ADGRV1: variants seen among roughly 807,000 people sequenced by gnomAD.
ADGRV1 encodes G-protein coupled receptor 98.
Under a neutral mutation model 596.2 loss-of-function variants are expected in ADGRV1, and 359 were observed. The observed-to-expected ratio is 0.60, with a 90% confidence interval of 0.55 to 0.66. The LOEUF (loss-of-function observed/expected upper bound fraction) is 0.66, where lower values mean the gene tolerates loss of function less well. ADGRV1 is among the 30% of genes least tolerant of loss of function. The pLI, the probability that ADGRV1 is intolerant of heterozygous loss-of-function variation, is 0.00. For missense variants in ADGRV1, 7,274 were observed against 7,575.6 expected (o/e 0.96, Z 1.48); for synonymous variants, 2,681 against 2,679.2 (o/e 1.00, Z -0.02).
At chr5:91,067,142 ATTTT>A (rs35645124) in intron 85 of ADGRV1, among the ~76,000 whole-genome samples, 2 of 130,398 alleles carry the variant, frequency 1.5e-5, no homozygotes, top group Non-Finnish European at 1.6e-5. Context: ...TGCAAAGGAG[ATTTT>A]TTTTTTTTTT....
chr5:90,638,036 A>G (rs1162588983), intron 11 of ADGRV1, 88 bp downstream of exon 11: 2 of 931,558 alleles, frequency 2.1e-6, no homozygotes, highest in Non-Finnish European at 3.1e-6. Flanking sequence ...TTTTTTTTCT[A>G]TATAAAGTAA....
rs1489758170 is a variant in ADGRV1 at position 90,694,045 on chromosome 5, C to T, written c.7289C>T (p.Ser2430Phe). 1 of 1,613,662 alleles carries T rather than the reference C, an allele frequency of 6.2e-7. No individual in the cohort carries two copies. The highest frequency in any genetic ancestry group is 1.7e-5 in the Admixed American group (1 of 59,920). The change falls in exon 33 of 90, where the codon TCT (serine) becomes TTT (phenylalanine). Residue 2430 changes from serine (S) to phenylalanine (F), a missense_variant. Ser to Phe is a radical substitution (Grantham distance 155). This residue lies in a region of ADGRV1 where 3,643 missense variants were observed against 3,809.2 expected (regional missense o/e 0.96). Transcript: ENST00000405460. ...DPLWRTWMNV[S>F]AVGEPLYTCA... ...CTTTGGAGAACTTGGATGAATGTCT[C>T]TGCCGTGGGGGAGCCCCTGTATACC...
Position 90,705,314 on chromosome 5 carries a change from C to T in ADGRV1, c.8387-86C>T, listed in dbSNP as rs1416933803. 3.6e-6 allele frequency: 4 copies of T among 1,098,388 alleles called. No individual in the cohort carries two copies. The Admixed American group carries it at 6.2e-5, about 17-fold the overall frequency. The allele number at this position is 1,098,388 out of a possible 1,614,324, so 68.0% of individuals were successfully genotyped here. A position where few individuals can be genotyped will look rare whatever the true frequency, so the allele number is the denominator to read the frequency against. On this transcript the variant is annotated intron_variant, in intron 36 of 89. Transcript: ENST00000405460. ...AAGTAAATAGAACACTTTTGATTAC[C>T]TTAATGTTTCAGAGAGTGAGGCTAT...
chr5:91,100,886 A>G (rs1285045518), intron 86 of ADGRV1, among the ~76,000 whole-genome samples: 1 of 152,186 alleles, frequency 6.6e-6, no homozygotes, highest in East Asian at 1.9e-4. Context: ...AATAAACTCA[A>G]ATTTAAGGAC....
chr5:90,600,485 C>G (rs941420537), intron 1 of ADGRV1, among the ~76,000 whole-genome samples: 1 of 152,172 alleles, frequency 6.6e-6, no homozygotes, highest in African/African-American at 2.4e-5. Context: ...GACATGAACT[C>G]ATCATTTTTT....
At chr5:90,670,158 C>T (rs1772241544) in intron 21 of ADGRV1, among the ~76,000 whole-genome samples, 3 of 152,194 alleles carry the variant, frequency 2.0e-5, no homozygotes, top group Admixed American at 6.5e-5. Context: ...ATAGACACTT[C>T]AAACTAGGCA....
At chr5:91,031,708 C>G (rs1784496268) in intron 85 of ADGRV1, among the ~76,000 whole-genome samples, 1 of 152,128 alleles carries the variant, frequency 6.6e-6, no homozygotes, top group African/African-American at 2.4e-5. Flanking sequence ...TGCCTTCCTT[C>G]TTCTTATGAT....
chr5:90,779,004 G>C lies in ADGRV1; in HGVS notation c.12989G>C (p.Arg4330Thr), dbSNP rs532605331. Residue 4330 changes from arginine (R) to threonine (T), a missense_variant, in exon 64 of 90, where the codon AGG becomes ACG. Arg to Thr is a moderately conservative substitution (Grantham distance 71). Transcript: ENST00000405460. ...CTCCTCTTTGAAGCAGGGGAGATGA[G>C]GAAAAGTCTGCATGTTGAAATCCTT... The part of the protein sequence containing the change: ...GELLFEAGEM[R>T]KSLHVEILDD... The C allele has an allele frequency of 1.9e-6, 3 of 1,613,212 alleles. No homozygotes were observed. In the South Asian group the frequency reaches 3.3e-5, roughly 18 times the overall value.
chr5:90,798,657 C>T (rs1394268054), intron 70 of ADGRV1, among the ~76,000 whole-genome samples: 3 of 152,154 alleles, frequency 2.0e-5, no homozygotes, highest in Admixed American at 6.5e-5. Flanking sequence ...CTGTGATGAA[C>T]ATCGATGAGA....
intron 87 of ADGRV1, among the ~76,000 whole-genome samples, chr5:91,127,898 A>T (rs1265743238): frequency 1.3e-5 from 2 of 152,136 alleles, no homozygotes; most frequent in African/African-American, 4.8e-5. Context: ...AACTCACTAG[A>T]GGTGTGCTAG....
intron 70 of ADGRV1, chr5:90,791,640 T>TTTCCTA: frequency 3.0e-6 from 1 of 338,636 alleles, no homozygotes; most frequent in Non-Finnish European, 5.4e-6. Context: ...TGCACACCCA[T>TTTCCTA]GGACATGTGT....
At chr5:90,798,080 A>G (rs1236615086) in intron 70 of ADGRV1, among the ~76,000 whole-genome samples, 1 of 152,224 alleles carries the variant, frequency 6.6e-6, no homozygotes. Flanking sequence ...AGATCAGAGC[A>G]GAACTGAAGG....
chr5:91,043,704 G>A (rs1785557050), intron 85 of ADGRV1, among the ~76,000 whole-genome samples: 2 of 151,800 alleles, frequency 1.3e-5, no homozygotes, highest in Admixed American at 6.6e-5. Flanking sequence ...CACTTAGTGG[G>A]CAATACTTAA....
intron 1 of ADGRV1, among the ~76,000 whole-genome samples, chr5:90,577,059 C>T (rs1757327692): frequency 6.6e-6 from 1 of 152,074 alleles, no homozygotes; most frequent in South Asian, 2.1e-4. Context: ...TTCTCTCATT[C>T]TGTAGGTTGC....
At chr5:90,716,273 G>T (rs554619051) in intron 42 of ADGRV1, among the ~76,000 whole-genome samples, 194 bp from the exon 43 acceptor site, 1 of 152,266 alleles carries the variant, frequency 6.6e-6, no homozygotes, top group East Asian at 1.9e-4. Context: ...CAAGATTACT[G>T]AGTATTTTTC....
At position 90,688,441 on chromosome 5, in the gene ADGRV1, T is replaced by G. The variant is rs550190161; in HGVS notation, c.6491-1420T>G. On this transcript the variant is annotated intron_variant, in intron 29 of 89. Transcript: ENST00000405460. ...GGTGTGATCTTGGCTCACTGCAATG[T>G]CCGCCTCCCGGGTTCAAGATTCTCC... Among the ~76,000 whole-genome samples the G allele has an allele frequency of 3.0e-3, 454 of 152,322 alleles. 5 individuals carry two copies. The highest frequency in any genetic ancestry group is 0.024 in the South Asian group (118 of 4,824).
intron 85 of ADGRV1, among the ~76,000 whole-genome samples, chr5:91,056,550 C>T (rs1786882717): frequency 6.6e-6 from 1 of 152,072 alleles, no homozygotes; most frequent in Non-Finnish European, 1.5e-5. Flanking sequence ...TCATGAGGCA[C>T]CCACTTATCC....
chr5:91,144,783 A>G (rs1795394698), intron 87 of ADGRV1, among the ~76,000 whole-genome samples: 1 of 152,242 alleles, frequency 6.6e-6, no homozygotes, highest in Non-Finnish European at 1.5e-5. Context: ...GTTATATTGT[A>G]AGGTATTGTT....
chr5:90,885,943 C>G (rs1387373809), intron 83 of ADGRV1, among the ~76,000 whole-genome samples: 1 of 151,844 alleles, frequency 6.6e-6, no homozygotes, highest in East Asian at 1.9e-4. Flanking sequence ...ATTACCCACT[C>G]CCAGTATATG....
Sources: gnomAD v4.1 joint callset for allele counts (sites outside exome capture counted in the v4.1 genomes callset) on GRCh38, gnomAD v4.1.1 for gene constraint, gnomAD v4.1.1 regional missense constraint, MANE v1.5 for transcripts, NCBI Gene and HGNC (gene_info 2026-07-23, HGNC 2026-07-21) for gene names.